Variants in MLLT3 observed in about 807,000 individuals in gnomAD.
MLLT3 encodes MLLT3 super elongation complex subunit, also known as protein AF-9.
A neutral mutation model predicts 53.2 loss-of-function variants in MLLT3; 4 were observed. The observed-to-expected ratio is 0.08, with a 90% CI of 0.04 to 0.17. The LOEUF is 0.17. Ranked by LOEUF, MLLT3 falls within the 10% of genes least tolerant of loss-of-function variation. The probability of loss-of-function intolerance (pLI) is 1.00; values close to 1 mark genes in which losing one functional copy is unlikely to be tolerated. For synonymous variants in MLLT3, 283 were observed against 230.6 expected (o/e 1.23, Z -2.06); for missense variants, 569 against 684.0 (o/e 0.83, Z 1.87).
intron 4 of MLLT3, among the ~76,000 whole-genome samples, chr9:20,420,778 G>T (rs1284263480): frequency 1.3e-5 from 2 of 152,072 alleles, no homozygotes. Context: ...CATGCGCCAT[G>T]TTGGTGTGCT....
intron 2 of MLLT3, among the ~76,000 whole-genome samples, chr9:20,495,798 T>C (rs1286471739): frequency 1.3e-5 from 2 of 152,176 alleles, no homozygotes; most frequent in Non-Finnish European, 2.9e-5. Context: ...AGAATCCTAA[T>C]TGACCAATTT....
intron 5 of MLLT3, among the ~76,000 whole-genome samples, chr9:20,404,827 G>A (rs1333013572): frequency 6.6e-6 from 1 of 152,056 alleles, no homozygotes; most frequent in Non-Finnish European, 1.5e-5. Context: ...TTTATTCCAA[G>A]TGTAGACTCT....
chr9:20,535,501 T>C (rs10738562), intron 2 of MLLT3, among the ~76,000 whole-genome samples: 106,704 of 152,008 alleles, frequency 0.7, 37,688 homozygotes, highest in East Asian at 0.86. Context: ...TTAAACACAA[T>C]ATAACTTTTA....
At chr9:20,384,776 G>C (rs1377887206) in intron 5 of MLLT3, among the ~76,000 whole-genome samples, 1 of 152,074 alleles carries the variant, frequency 6.6e-6, no homozygotes, top group Non-Finnish European at 1.5e-5. Flanking sequence ...CAAATCTACA[G>C]TCTGTTTTCT....
intron 5 of MLLT3, among the ~76,000 whole-genome samples, chr9:20,410,942 C>T (rs772326253): frequency 3.3e-5 from 5 of 152,078 alleles, no homozygotes; most frequent in Admixed American, 6.5e-5. Context: ...TGATCTCTGC[C>T]CATTATGTCT....
At chr9:20,474,231 A>G (rs1165299383) in intron 2 of MLLT3, among the ~76,000 whole-genome samples, 3 of 152,144 alleles carry the variant, frequency 2.0e-5, no homozygotes, top group East Asian at 3.8e-4. Context: ...GCTTAAAACC[A>G]CATAGAAATT....
chr9:20,512,092 C>T (rs1057133408), intron 2 of MLLT3, among the ~76,000 whole-genome samples: 7 of 152,156 alleles, frequency 4.6e-5, no homozygotes, highest in Non-Finnish European at 8.8e-5. Flanking sequence ...TAACCTAGCA[C>T]TACAAGAGCA....
chr9:20,504,929 T>TTG (rs1291748028), intron 2 of MLLT3, among the ~76,000 whole-genome samples: 1 of 152,148 alleles, frequency 6.6e-6, no homozygotes, highest in Non-Finnish European at 1.5e-5. Context: ...AGAAAGGTAT[T>TTG]TGTCCACAAT....
chr9:20,417,032 G>C (rs1326296259), intron 4 of MLLT3, among the ~76,000 whole-genome samples: 1 of 142,626 alleles, frequency 7.0e-6, no homozygotes, highest in Non-Finnish European at 1.5e-5. Flanking sequence ...CTATCTATCT[G>C]ATACTTATAT....
intron 10 of MLLT3, among the ~76,000 whole-genome samples, chr9:20,350,582 G>C (rs55904973): frequency 0.098 from 11,785 of 119,992 alleles, 841 homozygotes; most frequent in South Asian, 0.13. Flanking sequence ...GCGACAGAGC[G>C]AGACTCCGTC....
chr9:20,447,668 A>G (rs1586955984), intron 4 of MLLT3, among the ~76,000 whole-genome samples: 1 of 152,330 alleles, frequency 6.6e-6, no homozygotes, highest in Non-Finnish European at 1.5e-5. Context: ...GTCTATTTAA[A>G]TGACCCAAAC....
chr9:20,412,592 C>T (rs1311489459), intron 5 of MLLT3, among the ~76,000 whole-genome samples: 2 of 152,148 alleles, frequency 1.3e-5, no homozygotes, highest in Admixed American at 1.3e-4. Flanking sequence ...TAGCCTTTGC[C>T]AGCATTTAAA....
intron 2 of MLLT3, among the ~76,000 whole-genome samples, chr9:20,605,150 C>T (rs909921699): frequency 6.6e-6 from 1 of 151,972 alleles, no homozygotes; most frequent in Non-Finnish European, 1.5e-5. Flanking sequence ...TATAGAAGAC[C>T]TAAAACAACT....
At chr9:20,513,137 T>G (rs10964588) in intron 2 of MLLT3, among the ~76,000 whole-genome samples, 32,476 of 152,080 alleles carry the variant, frequency 0.21, 3,593 homozygotes, top group African/African-American at 0.25. Flanking sequence ...GTACCTTTCA[T>G]GAGATCCTTC....
intron 2 of MLLT3, among the ~76,000 whole-genome samples, chr9:20,490,977 G>T (rs1424844133): frequency 6.6e-6 from 1 of 152,144 alleles, no homozygotes; most frequent in African/African-American, 2.4e-5. Context: ...GCTGGAATTT[G>T]ACTAAATTTC....
At chr9:20,559,439 A>G (rs1238243655) in intron 2 of MLLT3, among the ~76,000 whole-genome samples, 3 of 152,206 alleles carry the variant, frequency 2.0e-5, no homozygotes, top group African/African-American at 7.2e-5. Flanking sequence ...GGGGCATTTT[A>G]CACCAGTGCA....
intron 5 of MLLT3, among the ~76,000 whole-genome samples, chr9:20,396,320 C>G (rs1234645877): frequency 6.6e-6 from 1 of 152,062 alleles, no homozygotes; most frequent in East Asian, 1.9e-4. Flanking sequence ...TATTCAGGTT[C>G]TACTGGAATT....
At chr9:20,348,065 C>A (rs1005985356) in intron 10 of MLLT3, among the ~76,000 whole-genome samples, 2 of 152,088 alleles carry the variant, frequency 1.3e-5, no homozygotes, top group African/African-American at 4.8e-5. Flanking sequence ...ACTCTCAATC[C>A]AATTAACTGC....
intron 4 of MLLT3, among the ~76,000 whole-genome samples, chr9:20,430,371 T>G (rs543691135): frequency 6.6e-6 from 1 of 152,226 alleles, no homozygotes; most frequent in East Asian, 1.9e-4. Flanking sequence ...ATAGCCAACC[T>G]CTTTATGAAA....
Sources: gnomAD v4.1 joint callset for allele counts (sites outside exome capture counted in the v4.1 genomes callset) on GRCh38, gnomAD v4.1.1 for gene constraint, MANE v1.5 for transcripts, NCBI Gene and HGNC (gene_info 2026-07-23, HGNC 2026-07-21) for gene names.